The following VDAC2 variants were observed in gnomAD, a reference collection of about 807,000 sequenced individuals.
VDAC2 encodes the protein voltage dependent anion channel 2.
In VDAC2, 6 loss-of-function variants were observed where a neutral mutation model predicts 36.6. That is an observed-to-expected ratio of 0.16 (90% CI 0.09 to 0.32). The LOEUF (loss-of-function observed/expected upper bound fraction) is 0.32, where lower values mean the gene tolerates loss of function less well. Among genes scored for constraint, VDAC2 ranks in the 10% least tolerant of loss-of-function variants. The pLI is 1.00. For missense variants in VDAC2, 247 were observed against 346.0 expected (o/e 0.71, Z 2.27); for synonymous variants, 109 against 123.8 (o/e 0.88, Z 0.79).
At chr10:75,213,062 A>G (rs1419588423) in intron 3 of VDAC2, among the ~76,000 whole-genome samples, 2 of 151,954 alleles carry the variant, frequency 1.3e-5, no homozygotes, top group African/African-American at 4.8e-5. Context: ...AAATGTCTGT[A>G]TTATGATAAG....
intron 1 of VDAC2, 58 bp from the exon 2 acceptor site, chr10:75,211,076 C>T (rs1160451759): frequency 2.0e-6 from 3 of 1,487,782 alleles, no homozygotes; most frequent in African/African-American, 2.8e-5. Flanking sequence ...CCTCTCTGCC[C>T]GGGATCTCCC....
chr10:75,213,515 C>T (rs1169800638), intron 3 of VDAC2, among the ~76,000 whole-genome samples: 5 of 152,036 alleles, frequency 3.3e-5, no homozygotes, highest in South Asian at 2.1e-4. Context: ...GAGGCCGAGG[C>T]GGGCAGATCA....
chr10:75,222,446 A>G, intron 8 of VDAC2, 44 bp downstream of exon 8: 1 of 1,610,070 alleles, frequency 6.2e-7, no homozygotes, highest in Middle Eastern at 1.7e-4. Flanking sequence ...TGGTTGTGGG[A>G]ATGAGTCTTT....
intron 3 of VDAC2, 151 bp downstream of exon 3, chr10:75,212,449 G>T (rs1841455106): frequency 1.4e-6 from 1 of 725,604 alleles, no homozygotes; most frequent in Admixed American, 2.8e-5. Flanking sequence ...GTCTCCCTCT[G>T]TTGCCCAGGC....
chr10:75,224,694 G>A (rs961418465), intron 8 of VDAC2, among the ~76,000 whole-genome samples: 2 of 152,182 alleles, frequency 1.3e-5, no homozygotes, highest in African/African-American at 4.8e-5. Flanking sequence ...GTGCTGGATT[G>A]TACCTTGATG....
chr10:75,224,037 G>C (rs1158714441), intron 8 of VDAC2, among the ~76,000 whole-genome samples: 1 of 152,166 alleles, frequency 6.6e-6, no homozygotes, highest in Non-Finnish European at 1.5e-5. Context: ...TGAGTTCTGT[G>C]ACCTGCTCTA....
intron 9 of VDAC2, 97 bp downstream of exon 9, chr10:75,229,798 G>A: frequency 2.2e-6 from 2 of 902,986 alleles, no homozygotes; most frequent in Non-Finnish European, 3.3e-6. Flanking sequence ...GCACACAGAA[G>A]AGTTGAAAGA....
intron 7 of VDAC2, among the ~76,000 whole-genome samples, chr10:75,221,447 C>T (rs977320992): frequency 6.6e-6 from 1 of 152,104 alleles, no homozygotes; most frequent in Non-Finnish European, 1.5e-5. Context: ...ATTCTCCTGC[C>T]TCAACCTCCC....
chr10:75,216,044 T>C (rs1399425304), intron 4 of VDAC2, among the ~76,000 whole-genome samples: 1 of 152,238 alleles, frequency 6.6e-6, no homozygotes, highest in East Asian at 1.9e-4. Flanking sequence ...TTTCTGGGGA[T>C]TTACATTGAT....
At chr10:75,223,005 G>C (rs1841860355) in intron 8 of VDAC2, among the ~76,000 whole-genome samples, 1 of 144,672 alleles carries the variant, frequency 6.9e-6, no homozygotes, top group Admixed American at 7.1e-5. Context: ...TCTTTTTTGA[G>C]ATGGAGTCTC....
chr10:75,220,146 C>T (rs1406060911), intron 6 of VDAC2, among the ~76,000 whole-genome samples: 4 of 151,084 alleles, frequency 2.6e-5, no homozygotes, highest in African/African-American at 7.3e-5. Flanking sequence ...TTCTCTGTCA[C>T]CCAGGCTGGA....
At chr10:75,229,127 C>G (rs924722280) in intron 8 of VDAC2, among the ~76,000 whole-genome samples, 9 of 151,590 alleles carry the variant, frequency 5.9e-5, no homozygotes, top group East Asian at 1.9e-4. Flanking sequence ...ATTGTTTGAT[C>G]TGATTCTTCA....
At chr10:75,214,639 C>T (rs942706651) in intron 4 of VDAC2, among the ~76,000 whole-genome samples, 3 of 152,092 alleles carry the variant, frequency 2.0e-5, no homozygotes, top group African/African-American at 7.2e-5. Flanking sequence ...ATTCTCTTGC[C>T]TCAGCCTCTC....
At chr10:75,218,087 T>TAA (rs1467002014) in intron 4 of VDAC2, 46 of 285,804 alleles carry the variant, frequency 1.6e-4, no homozygotes, top group South Asian at 3.6e-4. Flanking sequence ...AGATGCTGTC[T>TAA]CAAAAAAAAA....
chr10:75,229,432 A>G (rs1170366416), intron 8 of VDAC2: 1 of 421,590 alleles, frequency 2.4e-6, no homozygotes, highest in Non-Finnish European at 4.2e-6. Context: ...GTGGCTATCA[A>G]GAGTATTGTG....
At chr10:75,214,096 T>C (rs892630298) in intron 4 of VDAC2, 26 bp downstream of exon 4, 2 of 1,607,896 alleles carry the variant, frequency 1.2e-6, no homozygotes, top group Non-Finnish European at 1.7e-6. Flanking sequence ...GAATAAGTTC[T>C]ATTGAACCTT....
intron 7 of VDAC2, 50 bp downstream of exon 7, chr10:75,221,020 T>C (rs1841798607): frequency 6.5e-7 from 1 of 1,536,846 alleles, no homozygotes; most frequent in African/African-American, 1.4e-5. Flanking sequence ...CAGAGGATGA[T>C]TTTGATGTCT....
chr10:75,218,487 G>A (rs1352815931), intron 4 of VDAC2, among the ~76,000 whole-genome samples: 1 of 152,050 alleles, frequency 6.6e-6, no homozygotes, highest in South Asian at 2.1e-4. Flanking sequence ...AGTTAGCTGG[G>A]GTGGTGGCTT....
At chr10:75,228,909 T>C (rs1354268024) in intron 8 of VDAC2, among the ~76,000 whole-genome samples, 3 of 152,226 alleles carry the variant, frequency 2.0e-5, no homozygotes, top group African/African-American at 7.2e-5. Context: ...AAGAATCTAC[T>C]CTTTACTATG....
Sources: gnomAD v4.1 joint callset for allele counts (sites outside exome capture counted in the v4.1 genomes callset) on GRCh38, gnomAD v4.1.1 for gene constraint, MANE v1.5 for transcripts, NCBI Gene and HGNC (gene_info 2026-07-23, HGNC 2026-07-21) for gene names.